Variants in KALRN observed in about 807,000 individuals in gnomAD.
The protein encoded by KALRN is kalirin RhoGEF kinase.
A neutral mutation model predicts 353.7 loss-of-function variants in KALRN; 70 were observed. That is an observed-to-expected ratio of 0.20 (90% CI 0.16 to 0.24). The LOEUF (loss-of-function observed/expected upper bound fraction) is 0.24. Ranked by LOEUF, KALRN falls within the 10% of genes least tolerant of loss-of-function variation. The pLI, the probability that KALRN is intolerant of heterozygous loss-of-function variation, is 1.00. For missense variants in KALRN, 2,791 were observed against 3,756.7 expected, an observed-to-expected ratio of 0.74 and a Z score of 6.72; for synonymous variants, 1,391 against 1,434.8, an observed-to-expected ratio of 0.97 and a Z score of 0.69.
chr3:124,349,365 A>G (rs2082609578), intron 10 of KALRN, among the ~76,000 whole-genome samples: 1 of 152,226 alleles, frequency 6.6e-6, no homozygotes, highest in Non-Finnish European at 1.5e-5. Flanking sequence ...TATCCAGCCC[A>G]TTGCCCACGG....
chr3:124,433,818 T>A (rs998025614), intron 16 of KALRN, among the ~76,000 whole-genome samples: 5 of 152,178 alleles, frequency 3.3e-5, no homozygotes, highest in Admixed American at 1.3e-4. Context: ...TTCAACTGAT[T>A]ATTAATGTTT....
intron 18 of KALRN, among the ~76,000 whole-genome samples, chr3:124,441,578 A>G (rs936115653): frequency 3.3e-5 from 5 of 152,152 alleles, no homozygotes; most frequent in Admixed American, 6.5e-5. Flanking sequence ...TAATCCTAGC[A>G]CTTTGGGAGG....
intron 1 of KALRN, among the ~76,000 whole-genome samples, chr3:124,088,587 G>A (rs2060945851): frequency 6.6e-6 from 1 of 152,202 alleles, no homozygotes; most frequent in Non-Finnish European, 1.5e-5. Flanking sequence ...TGTATTAAGT[G>A]TAGTGCTTTG....
At chr3:124,173,161 A>AAAATATG (rs1179349240) in intron 1 of KALRN, among the ~76,000 whole-genome samples, 1 of 152,246 alleles carries the variant, frequency 6.6e-6, no homozygotes, top group Non-Finnish European at 1.5e-5. Flanking sequence ...AAGTAAATTA[A>AAAATATG]AAATATGGTT....
At chr3:124,699,740 C>A in intron 55 of KALRN, 129 bp from the exon 56 acceptor site, 1 of 854,222 alleles carries the variant, frequency 1.2e-6, no homozygotes, top group Non-Finnish European at 1.8e-6. Flanking sequence ...GCTTTCAGAG[C>A]CTGACACGGT....
At chr3:124,196,574 G>A (rs1001893029) in intron 1 of KALRN, among the ~76,000 whole-genome samples, 1 of 152,112 alleles carries the variant, frequency 6.6e-6, no homozygotes, top group Non-Finnish European at 1.5e-5. Context: ...GGCAAAAGTA[G>A]TTTCCTATTC....
At chr3:124,127,652 A>G (rs576970948) in intron 1 of KALRN, among the ~76,000 whole-genome samples, 1 of 152,330 alleles carries the variant, frequency 6.6e-6, no homozygotes, top group South Asian at 2.1e-4. Context: ...GGTGATTCTT[A>G]TCTTCAGTGA....
rs956408266 is a variant in KALRN, at chr3:124,045,753, G to A, written c.73+11940G>A. On this transcript the variant is annotated intron_variant, in intron 1 of 59. Transcript: ENST00000682506. ...GAAAGGAGGTTAACAGCCTAATGGG[G>A]GGGGGGGGGTTGCCTGATACATAAA... 3.4e-4 allele frequency among the ~76,000 whole-genome samples: 47 copies of A among 136,934 alleles called. No individual in the cohort carries two copies. In the East Asian group the frequency reaches 8.4e-3, roughly 24 times the overall value. The allele number at this position is 136,934 out of a possible 152,430, so 89.8% of individuals were successfully genotyped here. A position where few individuals can be genotyped will look rare whatever the true frequency, so the allele number is the denominator to read the frequency against.
In KALRN at chr3:124,657,513, G is replaced by A. The variant is rs146053557; in HGVS notation, c.5928G>A (p.Val1976=). Residue 1976 remains valine (V), a synonymous_variant, in exon 40 of 60, where the codon GTG becomes GTA. Coordinates refer to ENST00000682506, the MANE Select transcript of KALRN (RefSeq NM_001388419.1). The part of the protein sequence containing the change: ...PEDMRGKDKI[V]FGNIHQIYDW... The stretch of plus-strand genomic sequence containing the variant: ...ATATGCGAGGAAAGGACAAAATCGT[G>A]TTTGGAAATATTCATCAGATTTATG... 3.1e-6 allele frequency: 5 copies of A among 1,613,916 alleles called. No individual in the cohort carries two copies. In the African/African-American group the frequency reaches 4.0e-5, roughly 13 times the overall value.
chr3:124,246,762 T>C (rs1208354443), intron 3 of KALRN, among the ~76,000 whole-genome samples: 2 of 152,204 alleles, frequency 1.3e-5, no homozygotes, highest in Non-Finnish European at 2.9e-5. Flanking sequence ...TAGGTCAACT[T>C]CAATGTCAGG....
At chr3:124,169,706 G>A (rs1240362432) in intron 1 of KALRN, among the ~76,000 whole-genome samples, 2 of 152,160 alleles carry the variant, frequency 1.3e-5, no homozygotes, top group Admixed American at 6.5e-5. Flanking sequence ...ACTATAGAAT[G>A]TGACTGTATG....
At chr3:124,325,271 C>A (rs568402382) in intron 6 of KALRN, among the ~76,000 whole-genome samples, 3 of 152,048 alleles carry the variant, frequency 2.0e-5, no homozygotes, top group African/African-American at 4.8e-5. Flanking sequence ...CCCACAGATG[C>A]CTTTTGGGGT....
intron 10 of KALRN, among the ~76,000 whole-genome samples, chr3:124,350,944 A>G (rs1018200133): frequency 1.3e-5 from 2 of 152,138 alleles, no homozygotes; most frequent in Non-Finnish European, 2.9e-5. Flanking sequence ...ATCCTGCCTT[A>G]TTCCTTCATC....
chr3:124,039,780 T>C (rs946050563), intron 1 of KALRN, among the ~76,000 whole-genome samples: 3 of 149,128 alleles, frequency 2.0e-5, no homozygotes, highest in South Asian at 2.1e-4. Context: ...AAACATCTCT[T>C]TTTTTTTTTA....
chr3:124,403,725 G>A (rs942820433), intron 13 of KALRN, among the ~76,000 whole-genome samples: 4 of 152,128 alleles, frequency 2.6e-5, no homozygotes, highest in African/African-American at 9.7e-5. Flanking sequence ...AGACCATTCG[G>A]TCAGCCTTTT....
chr3:124,100,437 G>A (rs921234399), intron 1 of KALRN: 23 of 152,118 alleles, frequency 1.5e-4, no homozygotes, highest in African/African-American at 5.6e-4. Flanking sequence ...TCAATAAGTG[G>A]TGCTGGGAAA....
intron 34 of KALRN, among the ~76,000 whole-genome samples, chr3:124,596,399 G>A (rs2076267428): frequency 6.6e-6 from 1 of 152,096 alleles, no homozygotes; most frequent in Non-Finnish European, 1.5e-5. Flanking sequence ...CCCAAGAGGT[G>A]GAGGTTGCAG....
chr3:124,467,473 A>G (rs2060456679), intron 25 of KALRN, among the ~76,000 whole-genome samples: 1 of 152,246 alleles, frequency 6.6e-6, no homozygotes, highest in Non-Finnish European at 1.5e-5. Context: ...AGAGTAGGAA[A>G]GGCCTCATGG....
At chr3:124,226,494 A>G (rs1386959059) in intron 1 of KALRN, among the ~76,000 whole-genome samples, 3 of 152,234 alleles carry the variant, frequency 2.0e-5, no homozygotes, top group Non-Finnish European at 2.9e-5. Flanking sequence ...TGATGAATAA[A>G]AAGACTTGCA....
Sources: allele counts gnomAD v4.1 joint callset (sites outside exome capture counted in the v4.1 genomes callset), GRCh38; gene constraint gnomAD v4.1.1; transcripts MANE v1.5; gene names NCBI Gene and HGNC (gene_info 2026-07-23, HGNC 2026-07-21).